NTNG1: variants seen among roughly 807,000 people sequenced by gnomAD.
NTNG1 encodes netrin-G1.
A neutral mutation model predicts 54.0 loss-of-function variants in NTNG1; 16 were observed. That is an observed-to-expected ratio of 0.30 (90% CI 0.20 to 0.45). The LOEUF (loss-of-function observed/expected upper bound fraction) is 0.45, where lower values mean the gene tolerates loss of function less well. NTNG1 is among the 20% of genes least tolerant of loss of function. The pLI, the probability that NTNG1 is intolerant of heterozygous loss-of-function variation, is 1.00. For synonymous variants in NTNG1, 255 were observed against 263.1 expected, an observed-to-expected ratio of 0.97 and a Z score of 0.30; for missense variants, 530 against 678.7, an observed-to-expected ratio of 0.78 and a Z score of 2.43.
intron 3 of NTNG1, among the ~76,000 whole-genome samples, chr1:107,383,552 T>C (rs889791306): frequency 2.6e-5 from 4 of 152,214 alleles, no homozygotes; most frequent in African/African-American, 9.6e-5. Flanking sequence ...TGTGTGAAAA[T>C]AGCTTGAATA....
chr1:107,392,559 G>A (rs1351247830), intron 3 of NTNG1, among the ~76,000 whole-genome samples: 1 of 152,068 alleles, frequency 6.6e-6, no homozygotes, highest in Non-Finnish European at 1.5e-5. Context: ...CCCAGCCCCT[G>A]AGGAAACAAA....
intron 5 of NTNG1, chr1:107,418,687 G>T: frequency 7.4e-7 from 1 of 1,347,092 alleles, no homozygotes; most frequent in Non-Finnish European, 1.0e-6. Flanking sequence ...AATCCCACAT[G>T]TTTGGGGGAA....
At chr1:107,215,574 C>A (rs1570875727) in intron 2 of NTNG1, among the ~76,000 whole-genome samples, 1 of 152,052 alleles carries the variant, frequency 6.6e-6, no homozygotes, top group East Asian at 1.9e-4. Flanking sequence ...GTAATGCCTC[C>A]AGATTTGTTT....
intron 2 of NTNG1, among the ~76,000 whole-genome samples, chr1:107,238,128 A>G (rs1274837056): frequency 6.6e-6 from 1 of 152,198 alleles, no homozygotes; most frequent in East Asian, 1.9e-4. Flanking sequence ...GAGCTGCCCA[A>G]GACCATGGGA....
At chr1:107,342,657 C>T (rs1417644897) in intron 3 of NTNG1, among the ~76,000 whole-genome samples, 1 of 152,118 alleles carries the variant, frequency 6.6e-6, no homozygotes, top group Non-Finnish European at 1.5e-5. Context: ...TGAGCTGCCT[C>T]TGTTAACCCC....
chr1:107,390,026 TG>T (rs1341582024), intron 3 of NTNG1, among the ~76,000 whole-genome samples: 1 of 152,174 alleles, frequency 6.6e-6, no homozygotes, highest in Non-Finnish European at 1.5e-5. Flanking sequence ...GAAATGTTTT[TG>T]TTTTTTTGTT....
chr1:107,181,961 C>T (rs1225442817), intron 2 of NTNG1, among the ~76,000 whole-genome samples: 1 of 151,950 alleles, frequency 6.6e-6, no homozygotes, highest in Non-Finnish European at 1.5e-5. Context: ...TCAATATTCC[C>T]CTGTTTTTTT....
chr1:107,455,250 G>A (rs1483003368), intron 7 of NTNG1, among the ~76,000 whole-genome samples: 1 of 152,172 alleles, frequency 6.6e-6, no homozygotes, highest in Non-Finnish European at 1.5e-5. Flanking sequence ...TTTTAGTGGA[G>A]ACGGGGTTTC....
At position 107,402,822 on chromosome 1, in the gene NTNG1, AT is replaced by A. The variant is rs1443301278; in HGVS notation, c.1061-4859del. 2.0e-5 allele frequency among the ~76,000 whole-genome samples: 3 copies of A among 152,228 alleles called. No individual in the cohort carries two copies. In the East Asian group the frequency reaches 5.8e-4, roughly 29 times the overall value. ...AGTTTTTTTGGAGTTAGAATTCCTGATGGCTGCAGTCTGGCTATAAGATCTA... is the reference window on the plus strand; with the variant it reads ...AGTTTTTTTGGAGTTAGAATTCCTGAGGCTGCAGTCTGGCTATAAGATCTA... On this transcript the variant is annotated intron_variant, in intron 4 of 7. Transcript: ENST00000370068.
chr1:107,227,225 C>T (rs1660748125), intron 2 of NTNG1, among the ~76,000 whole-genome samples: 1 of 152,144 alleles, frequency 6.6e-6, no homozygotes, highest in Middle Eastern at 3.4e-3. Context: ...AGGGTTGTAC[C>T]TAGTCCAGAG....
rs187684934 is a variant in NTNG1, at chr1:107,226,819, G to T, written c.246+77980G>T. 3.3e-4 allele frequency among the ~76,000 whole-genome samples: 50 copies of T among 152,206 alleles called. 1 individual carries two copies. The highest frequency in any genetic ancestry group is 1.1e-3 in the African/African-American group (45 of 41,528). ...CTCGCATGTTCTGACTTCCTGAAATGATGGTGCTGTGCAGGCTTGTGTGAA... is the reference window on the plus strand; with the variant it reads ...CTCGCATGTTCTGACTTCCTGAAATTATGGTGCTGTGCAGGCTTGTGTGAA... On this transcript the variant is annotated intron_variant, in intron 2 of 7. Transcript: ENST00000370068.
chr1:107,248,815 G>A (rs1433356604), intron 2 of NTNG1, among the ~76,000 whole-genome samples: 1 of 151,980 alleles, frequency 6.6e-6, no homozygotes, highest in East Asian at 1.9e-4. Context: ...TAAGAATGTT[G>A]GTGGTTTACT....
At chr1:107,154,241 A>C (rs1276892954) in intron 2 of NTNG1, among the ~76,000 whole-genome samples, 1 of 152,124 alleles carries the variant, frequency 6.6e-6, no homozygotes, top group Non-Finnish European at 1.5e-5. Context: ...CCACTTGGAA[A>C]ATACTATCTG....
At chr1:107,371,931 C>T (rs954096995) in intron 3 of NTNG1, among the ~76,000 whole-genome samples, 1 of 151,954 alleles carries the variant, frequency 6.6e-6, no homozygotes, top group Non-Finnish European at 1.5e-5. Flanking sequence ...ATCCAAAATA[C>T]TCCAATGAGT....
intron 5 of NTNG1, chr1:107,410,227 T>TTATTGATG (rs1673710975): frequency 6.6e-6 from 1 of 152,144 alleles, no homozygotes; most frequent in Non-Finnish European, 1.5e-5. Context: ...TCGATGTAGA[T>TTATTGATG]TATTGATGTA....
intron 2 of NTNG1, among the ~76,000 whole-genome samples, chr1:107,158,579 G>T (rs1331058390): frequency 6.6e-6 from 1 of 152,122 alleles, no homozygotes; most frequent in Non-Finnish European, 1.5e-5. Flanking sequence ...TCTGCACAGT[G>T]ATTTTTCACC....
intron 3 of NTNG1, among the ~76,000 whole-genome samples, chr1:107,358,921 A>G (rs1400990778): frequency 6.6e-6 from 1 of 152,220 alleles, no homozygotes; most frequent in Non-Finnish European, 1.5e-5. Flanking sequence ...TGACAGCTCC[A>G]CTGTAAATTA....
At chr1:107,443,337 A>G (rs967142170) in intron 7 of NTNG1, among the ~76,000 whole-genome samples, 1 of 152,042 alleles carries the variant, frequency 6.6e-6, no homozygotes, top group African/African-American at 2.4e-5. Flanking sequence ...AACTCCTTTT[A>G]TTCTAGGGAT....
chr1:107,395,967 T>C (rs1672658212), intron 4 of NTNG1, among the ~76,000 whole-genome samples: 1 of 152,160 alleles, frequency 6.6e-6, no homozygotes, highest in Non-Finnish European at 1.5e-5. Context: ...AGTGCAAGCA[T>C]TATCCGCGTT....
Sources: allele counts gnomAD v4.1 joint callset (sites outside exome capture counted in the v4.1 genomes callset), GRCh38; gene constraint gnomAD v4.1.1; transcripts MANE v1.5; gene names NCBI Gene and HGNC (gene_info 2026-07-23, HGNC 2026-07-21).